PBX1: variants seen among roughly 807,000 people sequenced by gnomAD.
PBX1 encodes the protein PBX homeobox 1.
Under a neutral mutation model 53.4 loss-of-function variants are expected in PBX1, and 6 were observed. That is an observed-to-expected ratio of 0.11 (90% CI 0.06 to 0.22). PBX1 has a LOEUF of 0.22. Ranked by LOEUF, PBX1 falls within the 10% of genes least tolerant of loss-of-function variation. The probability of loss-of-function intolerance (pLI) is 1.00; values close to 1 mark genes in which losing one functional copy is unlikely to be tolerated. For missense variants in PBX1, 251 were observed against 551.4 expected, an observed-to-expected ratio of 0.46 and a Z score of 5.46; for synonymous variants, 204 against 212.3, an observed-to-expected ratio of 0.96 and a Z score of 0.34.
chr1:164,805,966 A>G (rs543335486), intron 4 of PBX1, among the ~76,000 whole-genome samples: 2 of 152,316 alleles, frequency 1.3e-5, no homozygotes, highest in South Asian at 2.1e-4. Context: ...GACCCTGAAA[A>G]TACAATATTA....
intron 8 of PBX1, among the ~76,000 whole-genome samples, chr1:164,844,928 C>T (rs1197971097): frequency 6.6e-6 from 1 of 152,142 alleles, no homozygotes; most frequent in Non-Finnish European, 1.5e-5. Context: ...AAATGTCCTC[C>T]AACAGAGAAA....
chr1:164,857,794 C>T (rs1384637605), intron 2 of PBX1, among the ~76,000 whole-genome samples: 1 of 152,186 alleles, frequency 6.6e-6, no homozygotes. Flanking sequence ...GTTGCTTAAT[C>T]TTTCTGTGCC....
intron 2 of PBX1, among the ~76,000 whole-genome samples, chr1:164,725,886 G>A (rs1664677225): frequency 1.3e-5 from 2 of 152,260 alleles, no homozygotes; most frequent in South Asian, 2.1e-4. Context: ...GCACCATGAT[G>A]GGATTGGTTG....
intron 2 of PBX1, among the ~76,000 whole-genome samples, chr1:164,726,104 G>GT (rs1337379313): frequency 6.6e-6 from 1 of 152,148 alleles, no homozygotes; most frequent in Non-Finnish European, 1.5e-5. Flanking sequence ...AGCTTAATCT[G>GT]TTTTTAACAA....
At chr1:164,740,593 T>C (rs1665552674) in intron 2 of PBX1, among the ~76,000 whole-genome samples, 1 of 152,160 alleles carries the variant, frequency 6.6e-6, no homozygotes, top group African/African-American at 2.4e-5. Flanking sequence ...ATGTAGTTAG[T>C]ATATTTACTG....
rs368787176 is a variant in PBX1 at position 164,776,899 on chromosome 1, T to TTGTGTGTGTGTG, written c.266-15570_266-15559dup. 2.4e-3 allele frequency among the ~76,000 whole-genome samples: 230 copies of TTGTGTGTGTGTG among 97,142 alleles called. 2 individuals carry two copies. The highest frequency in any genetic ancestry group is 9.3e-3 in the African/African-American group (219 of 23,512). The allele number at this position is 97,142 out of a possible 152,430, so 63.7% of individuals were successfully genotyped here. A position where few individuals can be genotyped will look rare whatever the true frequency, so the allele number is the denominator to read the frequency against. On this transcript the variant is annotated intron_variant, in intron 2 of 8. Coordinates refer to ENST00000420696, the MANE Select transcript of PBX1 (RefSeq NM_002585.4). ...TGCAGTAAATCTTGTGGTTTTACAT[T>TTGTGTGTGTGTG]TGTGTGTGTGTGTGTGTGTGTGTGT...
At chr1:164,616,602 A>G (rs140246857) in intron 2 of PBX1, among the ~76,000 whole-genome samples, 1 of 152,274 alleles carries the variant, frequency 6.6e-6, no homozygotes, top group Non-Finnish European at 1.5e-5. Context: ...GGCCATCTCA[A>G]CCTCACTGAA....
intron 2 of PBX1, among the ~76,000 whole-genome samples, chr1:164,665,474 A>T (rs971948397): frequency 2.0e-5 from 3 of 152,048 alleles, no homozygotes; most frequent in Admixed American, 6.6e-5. Flanking sequence ...TTTAATAGAG[A>T]CAGCGTTTCA....
intron 2 of PBX1, among the ~76,000 whole-genome samples, chr1:164,672,420 C>T (rs915060920): frequency 4.6e-5 from 7 of 152,066 alleles, no homozygotes; most frequent in Admixed American, 3.3e-4. Flanking sequence ...GCAGAGGGAC[C>T]GCAGTGTACT....
intron 2 of PBX1, among the ~76,000 whole-genome samples, chr1:164,739,248 T>C (rs575361283): frequency 5.9e-5 from 9 of 152,356 alleles, no homozygotes; most frequent in Middle Eastern, 3.4e-3. Flanking sequence ...TATGTGTTTC[T>C]GTTCATTTGC....
chr1:164,585,942 G>T (rs1210237818), intron 2 of PBX1, among the ~76,000 whole-genome samples: 1 of 152,116 alleles, frequency 6.6e-6, no homozygotes, highest in Non-Finnish European at 1.5e-5. Context: ...TGAATAAGTA[G>T]TGCTTATGAC....
chr1:164,700,570 C>G (rs954994029), intron 2 of PBX1: 1 of 985,170 alleles, frequency 1.0e-6, no homozygotes, highest in Non-Finnish European at 1.2e-6. Context: ...TTGGGGGACA[C>G]GGGAGCAGAC....
chr1:164,879,654 A>T (rs115104239), intron 2 of PBX1, among the ~76,000 whole-genome samples: 194 of 152,296 alleles, frequency 1.3e-3, no homozygotes, highest in African/African-American at 4.4e-3. Flanking sequence ...GCATGGATGG[A>T]GTAAGTCAAC....
chr1:164,657,432 TCAAAGTAACAGTAAATGCTTATA>T (rs1418344088), intron 2 of PBX1: 1 of 152,166 alleles, frequency 6.6e-6, no homozygotes, highest in African/African-American at 2.4e-5. Context: ...AGCAATAAAA[TCAAAGTAACAGTAAATGCTTATA>T]CAACATGTTA....
chr1:164,834,185 C>T (rs1009797083), intron 8 of PBX1, among the ~76,000 whole-genome samples: 1 of 151,488 alleles, frequency 6.6e-6, no homozygotes, highest in African/African-American at 2.4e-5. Flanking sequence ...CACTCATTCA[C>T]TCATTTGTTT....
downstream of PBX1, among the ~76,000 whole-genome samples, chr1:164,854,012 T>A (rs1211438175): frequency 2.0e-5 from 3 of 151,596 alleles, no homozygotes; most frequent in East Asian, 5.8e-4. Flanking sequence ...TTCAAGCAAT[T>A]CTCCTGCCTC....
chr1:164,656,106 C>A (rs1660149130), intron 2 of PBX1, among the ~76,000 whole-genome samples: 2 of 152,104 alleles, frequency 1.3e-5, no homozygotes, highest in Non-Finnish European at 2.9e-5. Context: ...ATGCTTTCAT[C>A]TGATTATTTG....
At chr1:164,628,933 C>T (rs913046145) in intron 2 of PBX1, among the ~76,000 whole-genome samples, 4 of 152,104 alleles carry the variant, frequency 2.6e-5, no homozygotes, top group African/African-American at 7.2e-5. Context: ...TCCCTTTGCT[C>T]ATGTCCCTCT....
intron 2 of PBX1, among the ~76,000 whole-genome samples, chr1:164,704,591 T>C (rs919909356): frequency 2.0e-5 from 3 of 152,128 alleles, no homozygotes; most frequent in African/African-American, 7.2e-5. Context: ...AAAAATAATA[T>C]TATTATATTA....
Sources: gnomAD v4.1 joint callset for allele counts (sites outside exome capture counted in the v4.1 genomes callset) on GRCh38, gnomAD v4.1.1 for gene constraint, MANE v1.5 for transcripts, NCBI Gene and HGNC (gene_info 2026-07-23, HGNC 2026-07-21) for gene names.